Variants in FOXK2 observed in about 807,000 individuals in gnomAD.
FOXK2 encodes forkhead box K2.
Under a neutral mutation model 53.3 loss-of-function variants are expected in FOXK2, and 24 were observed. That is an observed-to-expected ratio of 0.45 (90% confidence interval 0.33 to 0.63). FOXK2 has a LOEUF of 0.63. Among genes scored for constraint, FOXK2 ranks in the 30% least tolerant of loss-of-function variants. The pLI, the probability that FOXK2 is intolerant of heterozygous loss-of-function variation, is 0.03. For synonymous variants in FOXK2, 505 were observed against 407.1 expected (o/e 1.24, Z -2.89); for missense variants, 952 against 910.5 (o/e 1.05, Z -0.59).
intron 8 of FOXK2, chr17:82,599,698 A>G (rs1598243751): frequency 6.6e-6 from 1 of 152,238 alleles, no homozygotes; most frequent in South Asian, 2.1e-4. Flanking sequence ...CTGACCACGC[A>G]CCTGGCCGGA....
In FOXK2 at chr17:82,584,037, C is replaced by T. The variant is rs146692675; in HGVS notation, c.1128C>T (p.His376=). The T allele has an allele frequency of 1.2e-4, 185 of 1,607,496 alleles. No homozygotes were observed. Among genetic ancestry groups the T allele is most frequent in the African/African-American group, 1.0e-3 (77 of 74,944 alleles). Residue 376 remains histidine, a synonymous_variant, in exon 6 of 9, where the codon CAC becomes CAT. Coordinates refer to ENST00000335255, the MANE Select transcript of FOXK2 (RefSeq NM_004514.4). ...GGAGTGCCCCAGCCTCTCCCAATCA[C>T]GCGGGAGTGCTGTCTGCTCACTCTA... ...SSRSAPASPN[H]AGVLSAHSSG...
chr17:82,534,679 G>T (rs1393544521), intron 1 of FOXK2, among the ~76,000 whole-genome samples: 5 of 152,162 alleles, frequency 3.3e-5, no homozygotes, highest in Non-Finnish European at 7.4e-5. Flanking sequence ...GCCCATCCAG[G>T]TTTGACTTTA....
At position 82,603,882 on chromosome 17, in the gene FOXK2, G is replaced by C. The variant is rs986737167; in HGVS notation, c.*2383G>C. On this transcript the variant is annotated 3_prime_UTR_variant, in exon 9 of 9. Coordinates refer to ENST00000335255, the MANE Select transcript of FOXK2 (RefSeq NM_004514.4). The stretch of plus-strand genomic sequence containing the variant: ...CCTAGGAATTTAAGAATATCGAAGC[G>C]AGAGCAGTAACAAACCATAGATGAG... The C allele has an allele frequency of 1.3e-5, 2 of 152,168 alleles. No homozygotes were observed. Among genetic ancestry groups the C allele is most frequent in the African/African-American group, 4.8e-5 (2 of 41,428 alleles). 9.4% of individuals were successfully genotyped at this position (152,168 alleles called of 1,614,324 possible).
At chr17:82,586,992 T>G in intron 7 of FOXK2, 71 bp from the exon 8 acceptor site, 1 of 1,416,412 alleles carries the variant, frequency 7.1e-7, no homozygotes, top group Non-Finnish European at 1.0e-6. Context: ...CTGGTTATTA[T>G]GTTTTAAACT....
intron 1 of FOXK2, among the ~76,000 whole-genome samples, chr17:82,538,926 C>T: frequency 6.6e-6 from 1 of 152,214 alleles, no homozygotes; most frequent in East Asian, 1.9e-4. Context: ...AAGAGTCCTT[C>T]AGAATTTTGA....
At chr17:82,526,043 T>C (rs1303797064) in intron 1 of FOXK2, among the ~76,000 whole-genome samples, 2 of 152,108 alleles carry the variant, frequency 1.3e-5, no homozygotes, top group Non-Finnish European at 2.9e-5. Flanking sequence ...TTCTTTCTTA[T>C]GTGGCAGATT....
intron 7 of FOXK2, among the ~76,000 whole-genome samples, chr17:82,586,597 G>T (rs546833716): frequency 1.3e-5 from 2 of 152,094 alleles, no homozygotes; most frequent in African/African-American, 4.8e-5. Flanking sequence ...ACTCTGGGAA[G>T]TCCATAAGAT....
chr17:82,542,627 A>G (rs987258270), intron 1 of FOXK2, among the ~76,000 whole-genome samples: 23 of 152,146 alleles, frequency 1.5e-4, no homozygotes, highest in Non-Finnish European at 3.2e-4. Context: ...GCAGAAGGGC[A>G]GTTTTGGTGT....
intron 1 of FOXK2, among the ~76,000 whole-genome samples, chr17:82,520,846 C>T (rs1274900001): frequency 1.3e-5 from 2 of 152,122 alleles, no homozygotes; most frequent in African/African-American, 4.8e-5. Flanking sequence ...TTCAGTAGGC[C>T]AAATTGGAAG....
intron 8 of FOXK2, chr17:82,600,927 T>G (rs960330701): frequency 1.2e-5 from 2 of 172,404 alleles, no homozygotes; most frequent in African/African-American, 4.7e-5. Context: ...CAGGGCCATC[T>G]CCTGTCTGCC....
chr17:82,596,071 A>G, intron 8 of FOXK2: 1 of 1,105,132 alleles, frequency 9.0e-7, no homozygotes, highest in Non-Finnish European at 1.1e-6. Context: ...CTGTCTGCAC[A>G]TTTTTTGTAG....
At chr17:82,585,339 T>A (rs2045122039) in intron 6 of FOXK2, 1 of 151,936 alleles carries the variant, frequency 6.6e-6, no homozygotes, top group East Asian at 1.9e-4. Flanking sequence ...TGTTCGTTTG[T>A]CTTGAGACAA....
At chr17:82,533,565 C>CGCGATCGTATGT (rs2044492571) in intron 1 of FOXK2, among the ~76,000 whole-genome samples, 4 of 152,024 alleles carry the variant, frequency 2.6e-5, no homozygotes. Context: ...ACATATTGTA[C>CGCGATCGTATGT]GCGATCGTAT....
Position 82,591,759 on chromosome 17 carries a change from C to T in FOXK2, c.1786+4487C>T, listed in dbSNP as rs149589162. 3.8e-3 allele frequency among the ~76,000 whole-genome samples: 583 copies of T among 152,344 alleles called. 2 individuals are homozygous for T. The highest frequency in any genetic ancestry group is 0.013 in the African/African-American group (557 of 41,588). ...CCCTCAGAGCTCGCTTTGGGAGACCCCTGCCTCAGGGCTGCGGGTGCCGCC... is the reference window on the plus strand; with the variant it reads ...CCCTCAGAGCTCGCTTTGGGAGACCTCTGCCTCAGGGCTGCGGGTGCCGCC... On this transcript the variant is annotated intron_variant, in intron 8 of 8. Transcript: ENST00000335255.
chr17:82,574,321 CTT>C (rs750973206), intron 4 of FOXK2, among the ~76,000 whole-genome samples: 29 of 137,140 alleles, frequency 2.1e-4, no homozygotes, highest in Admixed American at 5.1e-4. Flanking sequence ...TACTCTCTCT[CTT>C]TTTTTTTTTT....
intron 8 of FOXK2, among the ~76,000 whole-genome samples, chr17:82,596,559 T>C (rs576956170): frequency 7.7e-4 from 118 of 152,368 alleles, no homozygotes; most frequent in Middle Eastern, 3.4e-3. Context: ...GGGCAGTCTG[T>C]GTGGCAGGGC....
At chr17:82,545,418 C>T (rs1001868211) in intron 1 of FOXK2, among the ~76,000 whole-genome samples, 19 of 152,106 alleles carry the variant, frequency 1.2e-4, no homozygotes, top group African/African-American at 3.6e-4. Context: ...TATTTTTGCA[C>T]GTAGCTATTG....
At chr17:82,586,541 A>AG (rs2045170034) in intron 7 of FOXK2, among the ~76,000 whole-genome samples, 1 of 97,468 alleles carries the variant, frequency 1.0e-5, no homozygotes, top group African/African-American at 5.6e-5. Flanking sequence ...GGGAGGTCAA[A>AG]GGTAGGCGGA....
chr17:82,529,800 C>T (rs2044455779), intron 1 of FOXK2, among the ~76,000 whole-genome samples: 1 of 152,202 alleles, frequency 6.6e-6, no homozygotes, highest in African/African-American at 2.4e-5. Flanking sequence ...TTCTGTCTTG[C>T]TATCCCTGGT....
Sources: allele counts gnomAD v4.1 joint callset (sites outside exome capture counted in the v4.1 genomes callset), GRCh38; gene constraint gnomAD v4.1.1; transcripts MANE v1.5; gene names NCBI Gene and HGNC (gene_info 2026-07-23, HGNC 2026-07-21).